ABTB3: variants seen among roughly 807,000 people sequenced by gnomAD.
The protein encoded by ABTB3 is ankyrin repeat and BTB domain containing 3.
the ABTB3 span, among the ~76,000 whole-genome samples, chr12:107,488,951 G>A: frequency 6.6e-6 from 1 of 152,214 alleles, no homozygotes; most frequent in African/African-American, 2.4e-5. Context: ...GCAACCATCA[G>A]CACTGGCAAT....
At chr12:107,320,568 G>A in the ABTB3 span, 1 of 456,148 alleles carries the variant, frequency 2.2e-6, no homozygotes, top group Admixed American at 2.3e-5. Flanking sequence ...GTGCACGGGG[G>A]AAGGAGGGGC....
chr12:107,626,161 T>G, the ABTB3 span, among the ~76,000 whole-genome samples: 1 of 152,126 alleles, frequency 6.6e-6, no homozygotes, highest in African/African-American at 2.4e-5. Context: ...ACTCCCTAGG[T>G]CGTCTGCCGC....
chr12:107,406,326 A>G, the ABTB3 span, among the ~76,000 whole-genome samples: 1 of 152,202 alleles, frequency 6.6e-6, no homozygotes, highest in African/African-American at 2.4e-5. Flanking sequence ...GCTATTTGGG[A>G]GGCTGAGATG....
chr12:107,404,897 A>G, the ABTB3 span, among the ~76,000 whole-genome samples: 25,071 of 152,076 alleles, frequency 0.16, 4,056 homozygotes, highest in East Asian at 0.42. Flanking sequence ...TGGAAACCTC[A>G]TAGCCTCCTA....
At chr12:107,473,090 C>G in the ABTB3 span, among the ~76,000 whole-genome samples, 3 of 152,160 alleles carry the variant, frequency 2.0e-5, no homozygotes, top group African/African-American at 7.2e-5. Context: ...TGTGTGGCAG[C>G]TTTGTGGATC....
chr12:107,336,643 C>T, the ABTB3 span, among the ~76,000 whole-genome samples: 4 of 152,198 alleles, frequency 2.6e-5, no homozygotes, highest in African/African-American at 9.6e-5. Context: ...TAACACTCAT[C>T]AGATTATACT....
chr12:107,561,476 C>T, the ABTB3 span, among the ~76,000 whole-genome samples: 5 of 152,098 alleles, frequency 3.3e-5, no homozygotes, highest in Non-Finnish European at 4.4e-5. Flanking sequence ...GTAAAAAGTC[C>T]GATCTAACAG....
the ABTB3 span, among the ~76,000 whole-genome samples, chr12:107,655,540 G>C: frequency 5.3e-5 from 8 of 152,158 alleles, no homozygotes. Flanking sequence ...GGCTAATTTA[G>C]TAAAAAGAGT....
chr12:107,320,745 G>A, the ABTB3 span: 1 of 452,296 alleles, frequency 2.2e-6, no homozygotes, highest in Non-Finnish European at 4.5e-6. Context: ...GATGGACAAA[G>A]CCCCCAATTC....
At chr12:107,568,905 C>G in the ABTB3 span, among the ~76,000 whole-genome samples, 1 of 152,194 alleles carries the variant, frequency 6.6e-6, no homozygotes, top group African/African-American at 2.4e-5. Context: ...GCTTCTGACT[C>G]AATGCACGAA....
At chr12:107,614,612 C>T in the ABTB3 span, among the ~76,000 whole-genome samples, 1 of 152,134 alleles carries the variant, frequency 6.6e-6, no homozygotes, top group African/African-American at 2.4e-5. Flanking sequence ...AAGAAGGGGA[C>T]AGGCCAGAAA....
At chr12:107,579,816 T>G in the ABTB3 span, among the ~76,000 whole-genome samples, 3 of 152,232 alleles carry the variant, frequency 2.0e-5, no homozygotes, top group African/African-American at 7.2e-5. Context: ...CCCACTGGCT[T>G]CATGCTAGTC....
the ABTB3 span, among the ~76,000 whole-genome samples, chr12:107,415,719 AC>A: frequency 6.6e-6 from 1 of 150,816 alleles, no homozygotes. Context: ...ACCAAAAAAA[AC>A]AAAACAAAAA....
At chr12:107,586,114 A>C in the ABTB3 span, among the ~76,000 whole-genome samples, 1 of 152,186 alleles carries the variant, frequency 6.6e-6, no homozygotes, top group Admixed American at 6.5e-5. Flanking sequence ...GGACAAGTCC[A>C]TCAGGTGTTC....
the ABTB3 span, among the ~76,000 whole-genome samples, chr12:107,434,240 C>G: frequency 1.3e-5 from 2 of 152,198 alleles, no homozygotes; most frequent in African/African-American, 2.4e-5. Context: ...ACACCAGCTT[C>G]CATCAGTCTA....
At chr12:107,536,744 C>A in the ABTB3 span, among the ~76,000 whole-genome samples, 2 of 151,976 alleles carry the variant, frequency 1.3e-5, no homozygotes, top group Non-Finnish European at 1.5e-5. Flanking sequence ...CTGGCAAGGA[C>A]GTAGAGCAAA....
the ABTB3 span, among the ~76,000 whole-genome samples, chr12:107,401,037 A>G: frequency 0.016 from 2,465 of 152,320 alleles, 72 homozygotes; most frequent in African/African-American, 0.055. Context: ...ATTCACATGC[A>G]GGACCACGTA....
chr12:107,360,645 C>T, the ABTB3 span, among the ~76,000 whole-genome samples: 2 of 152,314 alleles, frequency 1.3e-5, no homozygotes, highest in South Asian at 4.2e-4. Context: ...ATGCACAGTC[C>T]TATTTACCTA....
the ABTB3 span, among the ~76,000 whole-genome samples, chr12:107,421,096 A>G: frequency 1.3e-5 from 2 of 152,142 alleles, no homozygotes; most frequent in East Asian, 1.9e-4. Flanking sequence ...ACATTTCTCA[A>G]TGTGCTGAGT....
Sources: gnomAD v4.1 joint callset for allele counts (sites outside exome capture counted in the v4.1 genomes callset) on GRCh38, gnomAD v4.1.1 for gene constraint, MANE v1.5 for transcripts, NCBI Gene and HGNC (gene_info 2026-07-23, HGNC 2026-07-21) for gene names.